APPL1: variants seen among roughly 807,000 people sequenced by gnomAD.
APPL1 encodes adaptor protein, phosphotyrosine interacting with PH domain and leucine zipper 1, also known as DCC-interacting protein 13-alpha.
APPL1 carries 42 observed loss-of-function variants against 106.8 expected under a neutral mutation model. That is an observed-to-expected ratio of 0.39 (90% CI 0.31 to 0.51). The LOEUF (loss-of-function observed/expected upper bound fraction) is 0.51, where lower values mean the gene tolerates loss of function less well. APPL1 is among the 20% of genes least tolerant of loss of function. The probability of loss-of-function intolerance (pLI) is 0.75; values close to 1 mark genes in which losing one functional copy is unlikely to be tolerated. For synonymous variants in APPL1, 263 were observed against 281.8 expected, an observed-to-expected ratio of 0.93 and a Z score of 0.67; for missense variants, 769 against 858.2, an observed-to-expected ratio of 0.90 and a Z score of 1.30.
At position 57,235,566 on chromosome 3, in the gene APPL1, A is replaced by G; in HGVS notation, c.55A>G (p.Thr19Ala). 1 of 1,594,414 alleles carries G rather than the reference A, an allele frequency of 6.3e-7. No individual in the cohort carries two copies. Among genetic ancestry groups the G allele is most frequent in the Non-Finnish European group, 8.6e-7 (1 of 1,163,264 alleles). ...IEETLEDSPQ[T>A]RSLLGVFEED... ...AACTTATTGCTATTGTTTTATACAGACAAGGTCTTTACTAGGTGTATTTGA... is the reference window on the plus strand; with the variant it reads ...AACTTATTGCTATTGTTTTATACAGGCAAGGTCTTTACTAGGTGTATTTGA... The change falls in exon 2 of 22, where the codon ACA (threonine) becomes GCA (alanine). Residue 19 changes from threonine to alanine, a missense_variant and splice_region_variant. By Grantham distance (58) the Thr-to-Ala change is moderately conservative (BLOSUM62 0). Coordinates refer to ENST00000288266, the MANE Select transcript of APPL1 (RefSeq NM_012096.3).
intron 2 of APPL1, among the ~76,000 whole-genome samples, chr3:57,237,274 C>T (rs1187666820): frequency 2.0e-5 from 3 of 152,068 alleles, no homozygotes; most frequent in Non-Finnish European, 4.4e-5. Flanking sequence ...AAACAAACAC[C>T]AGGAACACTG....
chr3:57,265,190 C>T (rs143691059), intron 19 of APPL1, among the ~76,000 whole-genome samples: 1,624 of 151,968 alleles, frequency 0.011, 17 homozygotes, highest in South Asian at 0.066. Context: ...ATTCTATTGC[C>T]CAGGCTGGAG....
chr3:57,270,716 T>G lies in APPL1; in HGVS notation c.*1029T>G, dbSNP rs2060931697. ...TGCCATGTTTTGATAAAGTACTGAATCACCACTTTATATCCACAAAGGCAA... is the reference window on the plus strand; with the variant it reads ...TGCCATGTTTTGATAAAGTACTGAAGCACCACTTTATATCCACAAAGGCAA... On this transcript the variant is annotated 3_prime_UTR_variant, in exon 22 of 22. Transcript: ENST00000288266. 6.6e-6 allele frequency: 1 copy of G among 152,586 alleles called. No homozygotes were observed. Among genetic ancestry groups the G allele is most frequent in the African/African-American group, 2.4e-5 (1 of 41,468 alleles). 9.5% of individuals were successfully genotyped at this position (152,586 alleles called of 1,614,324 possible). A position where few individuals can be genotyped will look rare whatever the true frequency, so the allele number is the denominator to read the frequency against.
intron 1 of APPL1, among the ~76,000 whole-genome samples, chr3:57,232,210 A>G (rs1231113156): frequency 6.6e-6 from 1 of 152,234 alleles, no homozygotes; most frequent in Non-Finnish European, 1.5e-5. Flanking sequence ...TTCATCTATG[A>G]TAGAACAGTG....
intron 11 of APPL1, among the ~76,000 whole-genome samples, chr3:57,249,998 ATTG>A (rs1335615033): frequency 2.6e-5 from 4 of 152,112 alleles, no homozygotes; most frequent in African/African-American, 9.7e-5. Flanking sequence ...CCTATCGTAA[ATTG>A]TTGTGAGGAA....
intron 11 of APPL1, among the ~76,000 whole-genome samples, 171 bp from the exon 12 acceptor site, chr3:57,252,098 A>T (rs536349064): frequency 6.6e-6 from 1 of 152,300 alleles, no homozygotes; most frequent in Non-Finnish European, 1.5e-5. Context: ...CTGCATCCTG[A>T]TACCTCTGGT....
chr3:57,267,504 T>G (rs1001438607), intron 19 of APPL1, among the ~76,000 whole-genome samples: 10 of 152,278 alleles, frequency 6.6e-5, no homozygotes, highest in African/African-American at 2.4e-4. Context: ...AGTAATGAAT[T>G]TGACATAACA....
rs2060666128 is a variant in APPL1, at chr3:57,228,519, G to A, written c.54+582G>A. On this transcript the variant is annotated intron_variant, in intron 1 of 21. Coordinates refer to ENST00000288266, the MANE Select transcript of APPL1 (RefSeq NM_012096.3). This position sits in a 1 kb window ranked among gnomAD's most constrained non-coding sequence, Gnocchi z 4.6. ...CGTGACTGTGGTCGCTGTCACTCGA[G>A]CTGTGCACGGCGAGGGATGGACGGT... Among the ~76,000 whole-genome samples the A allele has an allele frequency of 6.6e-6, 1 of 152,220 alleles. No individual in the cohort carries two copies. The highest frequency in any genetic ancestry group is 6.5e-5 in the Admixed American group (1 of 15,288).
At chr3:57,250,082 A>T (rs2060795409) in intron 11 of APPL1, among the ~76,000 whole-genome samples, 5 of 152,146 alleles carry the variant, frequency 3.3e-5, no homozygotes. Context: ...TTAAAATGTT[A>T]ATCAAGTATT....
chr3:57,242,920 G>A lies in APPL1; in HGVS notation c.474+6G>A. 1.9e-6 allele frequency: 3 copies of A among 1,605,096 alleles called. No individual in the cohort carries two copies. Among genetic ancestry groups the A allele is most frequent in the Non-Finnish European group, 2.6e-6 (3 of 1,172,820 alleles). On this transcript the variant is annotated splice_donor_region_variant and intron_variant, in intron 7 of 21. Coordinates refer to ENST00000288266, the MANE Select transcript of APPL1 (RefSeq NM_012096.3). ...AAAAAAGAGAAAATGACAAGGTGTG[G>A]TACATATTTATTCCTTCAGTGTCAT... is the stretch of plus-strand genomic sequence containing the variant.
Position 57,251,261 on chromosome 3 carries a change from C to T in APPL1, c.1053-1008C>T, listed in dbSNP as rs541951249. ...ACTATAGGCCGGGCTTGGTGGCTCACGCCTGTAATCCCAGCTCTTTGGGAG... is the reference window on the plus strand; with the variant it reads ...ACTATAGGCCGGGCTTGGTGGCTCATGCCTGTAATCCCAGCTCTTTGGGAG... On this transcript the variant is annotated intron_variant, in intron 11 of 21. Transcript: ENST00000288266. Among the ~76,000 whole-genome samples the T allele has an allele frequency of 2.4e-3, 357 of 151,366 alleles. 1 individual carries two copies. The highest frequency in any genetic ancestry group is 3.5e-3 in the Admixed American group (54 of 15,224).
In APPL1 at chr3:57,269,560, G is replaced by T. The variant is rs762717192; in HGVS notation, c.2003G>T (p.Arg668Leu). The T allele has an allele frequency of 2.5e-6, 4 of 1,613,688 alleles. No individual in the cohort carries two copies. The highest frequency in any genetic ancestry group is 3.4e-6 in the Non-Finnish European group (4 of 1,179,834). Residue 668 changes from arginine to leucine, a missense_variant, in exon 22 of 22, where the codon CGG becomes CTG. Transcript: ENST00000288266. ...QIEKDLEEQSRLIAASSRPNQ... is the reference protein window; with the variant it reads ...QIEKDLEEQSLLIAASSRPNQ... Reference sequence around the variant, plus strand: ...CACTAGGACTTGGAAGAACAAAGTCGGTTGATAGCTGCTTCCAGTAGACCA... The same window carrying T: ...CACTAGGACTTGGAAGAACAAAGTCTGTTGATAGCTGCTTCCAGTAGACCA...
In APPL1 at chr3:57,228,401, T is replaced by G. The variant is rs1247158396; in HGVS notation, c.54+464T>G. Among the ~76,000 whole-genome samples, 1 of 152,140 alleles carries G rather than the reference T, an allele frequency of 6.6e-6. No individual in the cohort carries two copies. Among genetic ancestry groups the G allele is most frequent in the East Asian group, 1.9e-4 (1 of 5,180 alleles). On this transcript the variant is annotated intron_variant, in intron 1 of 21. Transcript: ENST00000288266. The surrounding 1 kb of genome is among the most constrained non-coding windows in gnomAD (Gnocchi z 4.6). Reference sequence around the variant, plus strand: ...TGGATCGTTTTTCTTTGGGAGAGGCTGTAAGGTTGTGTGTGGAGCCCTAAT... The same window carrying G: ...TGGATCGTTTTTCTTTGGGAGAGGCGGTAAGGTTGTGTGTGGAGCCCTAAT...
chr3:57,257,040 G>T lies in APPL1; in HGVS notation c.1236G>T (p.Arg412=). The change falls in exon 14 of 22, where the codon CGG becomes CGT. Residue 412 remains arginine (R), a synonymous_variant. Transcript: ENST00000288266. ...TCCAGCAGAGGCACGAGAGCCTGCGGCCAGCAGCAGGGTAAGTTACCACAC... is the reference window on the plus strand; with the variant it reads ...TCCAGCAGAGGCACGAGAGCCTGCGTCCAGCAGCAGGGTAAGTTACCACAC... ...PSFQQRHESL[R]PAAGQSRPPT... 5 of 1,614,184 alleles carry T rather than the reference G, an allele frequency of 3.1e-6. No homozygotes were observed. The highest frequency in any genetic ancestry group is 3.4e-6 in the Non-Finnish European group (4 of 1,180,024).
At chr3:57,257,084 A>G in intron 14 of APPL1, 33 bp downstream of exon 14, 1 of 1,600,268 alleles carries the variant, frequency 6.2e-7, no homozygotes, top group Non-Finnish European at 8.6e-7. Flanking sequence ...TTAAAGAAGG[A>G]GATGGGCTAT....
intron 7 of APPL1, 134 bp downstream of exon 7, chr3:57,243,048 T>C (rs1219446320): frequency 1.1e-5 from 7 of 653,290 alleles, no homozygotes; most frequent in Non-Finnish European, 1.8e-5. Flanking sequence ...TCTTTCCTTC[T>C]AGCTGTTCAA....
rs577271976 is a variant in APPL1, at chr3:57,270,275, G to T, written c.*588G>T. On this transcript the variant is annotated 3_prime_UTR_variant, in exon 22 of 22. Transcript: ENST00000288266. ...CTGTTGATCTCAGGGTACTTTCTGG[G>T]ATTGCTCACATTTCTCTAATGTACT... is the stretch of plus-strand genomic sequence containing the variant. The T allele has an allele frequency of 6.6e-6, 1 of 152,632 alleles. No individual in the cohort carries two copies. The highest frequency in any genetic ancestry group is 1.5e-5 in the Non-Finnish European group (1 of 68,070). 9.5% of individuals were successfully genotyped at this position (152,632 alleles called of 1,614,324 possible).
intron 4 of APPL1, among the ~76,000 whole-genome samples, chr3:57,238,370 T>C (rs1036422630): frequency 9.9e-5 from 15 of 152,234 alleles, no homozygotes; most frequent in Non-Finnish European, 1.6e-4. Flanking sequence ...ATGTGTCATT[T>C]GATGTAGGCA....
At chr3:57,239,261 A>T (rs2060732690) in intron 4 of APPL1, among the ~76,000 whole-genome samples, 1 of 152,182 alleles carries the variant, frequency 6.6e-6, no homozygotes, top group South Asian at 2.1e-4. Context: ...TTGGGTGGGG[A>T]CACAGCCAAA....
Sources: allele counts gnomAD v4.1 joint callset (sites outside exome capture counted in the v4.1 genomes callset), GRCh38; gene constraint gnomAD v4.1.1; non-coding constraint Gnocchi (gnomAD v3.1); transcripts MANE v1.5; gene names NCBI Gene and HGNC (gene_info 2026-07-23, HGNC 2026-07-21).